Variants in SUMF1 observed in about 807,000 individuals in gnomAD.
SUMF1 encodes formylglycine-generating enzyme.
A neutral mutation model predicts 47.6 loss-of-function variants in SUMF1; 48 were observed. The observed-to-expected ratio is 1.01, with a 90% CI of 0.80 to 1.28. The LOEUF (loss-of-function observed/expected upper bound fraction) is 1.28. SUMF1 is among the 50% of genes most tolerant of loss of function. The pLI is 0.00. For missense variants in SUMF1, 571 were observed against 485.4 expected (o/e 1.18, Z -1.66); for synonymous variants, 230 against 192.1 (o/e 1.20, Z -1.63).
intron 7 of SUMF1, among the ~76,000 whole-genome samples, chr3:4,386,647 G>T (rs1231160059): frequency 6.6e-6 from 1 of 152,020 alleles, no homozygotes; most frequent in African/African-American, 2.4e-5. Context: ...TGTTGAATAA[G>T]AGTTCTGGAA....
Position 4,362,074 on chromosome 3 carries a change from A to C in SUMF1, c.*70T>G. The C allele has an allele frequency of 1.4e-6, 2 of 1,450,068 alleles. No individual in the cohort carries two copies. Among genetic ancestry groups the C allele is most frequent in the Non-Finnish European group, 1.9e-6 (2 of 1,034,524 alleles). 89.8% of individuals were successfully genotyped at this position (1,450,068 alleles called of 1,614,324 possible). On this transcript the variant is annotated 3_prime_UTR_variant, in exon 9 of 9. Coordinates refer to ENST00000272902, the MANE Select transcript of SUMF1 (RefSeq NM_182760.4). The stretch of plus-strand genomic sequence containing the variant: ...GAATTCTTTGCATGGGATCGTTCAA[A>C]GTTCTGAGAAAAGCCCAATGTAGGT...
At chr3:4,082,114 C>A (rs1159286592) in intron 8 of SUMF1, among the ~76,000 whole-genome samples, 1 of 152,100 alleles carries the variant, frequency 6.6e-6, no homozygotes, top group Non-Finnish European at 1.5e-5. Flanking sequence ...ATTCTGATGA[C>A]AGGATATATG....
At chr3:4,061,129 G>A (rs1428791613) in intron 9 of SUMF1, among the ~76,000 whole-genome samples, 1 of 152,122 alleles carries the variant, frequency 6.6e-6, no homozygotes, top group Non-Finnish European at 1.5e-5. Context: ...TTTGAGAATT[G>A]GGCAGCCCCC....
At position 4,238,655 on chromosome 3, in the gene SUMF1, T is replaced by C. The variant is rs183081774; in HGVS notation, c.1014+137675A>G. On this transcript the variant is annotated intron_variant and NMD_transcript_variant, in intron 8 of 12. Transcript: ENST00000448413. ...TTTCTCATAAATTTGTTTAAGTCAT[T>C]TGTAGATTCTGGATATTAGCCCTTT... Among the ~76,000 whole-genome samples the C allele has an allele frequency of 2.2e-3, 342 of 152,294 alleles. 5 individuals carry two copies. Among genetic ancestry groups the C allele is most frequent in the Middle Eastern group, 3.4e-3 (1 of 294 alleles).
intron 7 of SUMF1, among the ~76,000 whole-genome samples, chr3:4,395,127 A>G (rs1380499216): frequency 6.6e-6 from 1 of 152,144 alleles, no homozygotes; most frequent in Non-Finnish European, 1.5e-5. Flanking sequence ...ACTGAAGCTC[A>G]GAGAGATGAA....
chr3:4,466,729 G>T (rs1392282967), intron 1 of SUMF1, among the ~76,000 whole-genome samples: 2 of 152,172 alleles, frequency 1.3e-5, no homozygotes, highest in Non-Finnish European at 2.9e-5. Context: ...GAACAGGTTG[G>T]AGGGAGAAAG....
chr3:4,251,041 T>C (rs562545104), intron 8 of SUMF1, among the ~76,000 whole-genome samples: 41 of 152,350 alleles, frequency 2.7e-4, no homozygotes, highest in Non-Finnish European at 4.7e-4. Context: ...CTGCCATAGA[T>C]AATGATTCCT....
At chr3:4,446,365 G>A (rs1559305338) in intron 3 of SUMF1, among the ~76,000 whole-genome samples, 2 of 152,172 alleles carry the variant, frequency 1.3e-5, no homozygotes, top group African/African-American at 2.4e-5. Flanking sequence ...CTGCCACCAC[G>A]TAAAACGTGC....
At chr3:4,265,002 G>T (rs183024148) in intron 8 of SUMF1, among the ~76,000 whole-genome samples, 1 of 151,910 alleles carries the variant, frequency 6.6e-6, no homozygotes, top group Non-Finnish European at 1.5e-5. Context: ...GTGTGGTGGC[G>T]CATGCCTGTA....
At chr3:4,135,060 C>A (rs927941342) in intron 8 of SUMF1, among the ~76,000 whole-genome samples, 1 of 152,096 alleles carries the variant, frequency 6.6e-6, no homozygotes, top group Non-Finnish European at 1.5e-5. Flanking sequence ...GGAGCTGGTA[C>A]CATGCCTTCT....
intron 8 of SUMF1, chr3:4,317,507 A>T: frequency 3.4e-6 from 1 of 295,262 alleles, no homozygotes; most frequent in Non-Finnish European, 6.3e-6. Flanking sequence ...ACATAGTGAG[A>T]CCCTGACTCT....
At chr3:4,175,133 T>C (rs940572330) in intron 8 of SUMF1, among the ~76,000 whole-genome samples, 9 of 152,170 alleles carry the variant, frequency 5.9e-5, no homozygotes, top group African/African-American at 1.9e-4. Context: ...AGCAGACAAC[T>C]TCTGCAGATT....
intron 8 of SUMF1, among the ~76,000 whole-genome samples, chr3:4,320,417 G>A (rs1012773611): frequency 2.6e-5 from 4 of 152,164 alleles, no homozygotes; most frequent in African/African-American, 9.7e-5. Flanking sequence ...CTGCTGAAAT[G>A]AACTGACAAT....
intron 7 of SUMF1, among the ~76,000 whole-genome samples, chr3:4,384,052 A>G (rs1458301716): frequency 1.3e-5 from 2 of 152,220 alleles, no homozygotes; most frequent in Admixed American, 1.3e-4. Context: ...ATGAAGTGAA[A>G]AAATAAATGC....
chr3:4,070,269 T>C (rs1167928701), intron 8 of SUMF1, among the ~76,000 whole-genome samples: 2 of 152,080 alleles, frequency 1.3e-5, no homozygotes, highest in South Asian at 2.1e-4. Context: ...CCCAACCACC[T>C]TGGGTACATG....
At chr3:4,292,579 A>G (rs1465826527) in intron 8 of SUMF1, among the ~76,000 whole-genome samples, 2 of 152,216 alleles carry the variant, frequency 1.3e-5, no homozygotes, top group East Asian at 3.8e-4. Context: ...GCTGTCACCA[A>G]CAAGTTAGCT....
intron 8 of SUMF1, among the ~76,000 whole-genome samples, chr3:4,172,677 A>G (rs1398319512): frequency 7.4e-6 from 1 of 134,618 alleles, no homozygotes; most frequent in Non-Finnish European, 1.6e-5. Context: ...TCCTTTGCCC[A>G]CTTTTTGATG....
At chr3:4,131,077 G>C (rs1437060737) in intron 8 of SUMF1, among the ~76,000 whole-genome samples, 2 of 152,124 alleles carry the variant, frequency 1.3e-5, no homozygotes, top group African/African-American at 4.8e-5. Flanking sequence ...CTCTTGGCCT[G>C]TTACTGGGCT....
At chr3:4,225,450 C>A (rs183456968) in intron 8 of SUMF1, among the ~76,000 whole-genome samples, 1 of 152,242 alleles carries the variant, frequency 6.6e-6, no homozygotes, top group East Asian at 1.9e-4. Flanking sequence ...ATACAGTAAG[C>A]ACCCAATGAA....
Sources: allele counts gnomAD v4.1 joint callset (sites outside exome capture counted in the v4.1 genomes callset), GRCh38; gene constraint gnomAD v4.1.1; transcripts MANE v1.5; gene names NCBI Gene and HGNC (gene_info 2026-07-23, HGNC 2026-07-21).